Variants in GRM8 observed in about 807,000 individuals in gnomAD.
GRM8 encodes the protein glutamate metabotropic receptor 8.
A neutral mutation model predicts 87.2 loss-of-function variants in GRM8; 47 were observed. That is an observed-to-expected ratio of 0.54 (90% confidence interval 0.43 to 0.69). GRM8 has a LOEUF of 0.69. Among genes scored for constraint, GRM8 ranks in the 30% least tolerant of loss-of-function variants. The probability of loss-of-function intolerance (pLI) is 0.00; values close to 1 mark genes in which losing one functional copy is unlikely to be tolerated. For missense variants in GRM8, 1,019 were observed against 1,139.2 expected (o/e 0.89, Z 1.52); for synonymous variants, 396 against 404.5 (o/e 0.98, Z 0.25).
intron 2 of GRM8, among the ~76,000 whole-genome samples, chr7:127,164,294 A>T (rs1793304861): frequency 6.6e-6 from 1 of 152,182 alleles, no homozygotes; most frequent in Admixed American, 6.5e-5. Context: ...TGAGCCAATT[A>T]AACCTCTTTT....
At chr7:126,603,718 T>C (rs547418737) in intron 8 of GRM8, among the ~76,000 whole-genome samples, 5 of 152,214 alleles carry the variant, frequency 3.3e-5, no homozygotes, top group South Asian at 2.1e-4. Context: ...AGGGTGAATA[T>C]GTGTGTGTAC....
At chr7:127,041,741 T>C (rs1818449524) in intron 3 of GRM8, among the ~76,000 whole-genome samples, 1 of 152,226 alleles carries the variant, frequency 6.6e-6, no homozygotes, top group Admixed American at 6.5e-5. Context: ...TTCTGTTTTA[T>C]AGCAAAACCT....
At chr7:127,109,594 C>T (rs149072657) in intron 2 of GRM8, among the ~76,000 whole-genome samples, 30 of 152,300 alleles carry the variant, frequency 2.0e-4, no homozygotes, top group Middle Eastern at 3.4e-3. Context: ...AGTTCACTAA[C>T]TCCATCAGGC....
At chr7:127,207,129 T>C (rs1795957513) in intron 2 of GRM8, among the ~76,000 whole-genome samples, 1 of 152,206 alleles carries the variant, frequency 6.6e-6, no homozygotes. Flanking sequence ...CTTGGGGAGA[T>C]ATATGGTTAA....
intron 6 of GRM8, among the ~76,000 whole-genome samples, chr7:126,775,420 A>G (rs1302615954): frequency 6.6e-6 from 1 of 151,112 alleles, no homozygotes; most frequent in African/African-American, 2.4e-5. Context: ...AATCCATGAG[A>G]ACCATGCCAA....
At chr7:126,477,561 G>GAGAA (rs200275088) in intron 9 of GRM8, among the ~76,000 whole-genome samples, 17 of 114,476 alleles carry the variant, frequency 1.5e-4, no homozygotes, top group African/African-American at 4.6e-4. Context: ...GGAGAAGTAA[G>GAGAA]AGAAAGAAAG....
At chr7:126,820,863 G>A (rs1218773908) in intron 6 of GRM8, among the ~76,000 whole-genome samples, 1 of 152,234 alleles carries the variant, frequency 6.6e-6, no homozygotes, top group Non-Finnish European at 1.5e-5. Context: ...AACTTTGAGA[G>A]GCCAAGGTGG....
rs1365982000 is a variant in GRM8 at position 127,091,307 on chromosome 7, TC to T, written c.727+15188del. Among the ~76,000 whole-genome samples, 5 of 150,510 alleles carry T rather than the reference TC, an allele frequency of 3.3e-5. 1 individual carries two copies. In the South Asian group the frequency reaches 1.1e-3, roughly 32 times the overall value. On this transcript the variant is annotated intron_variant, in intron 3 of 10. Coordinates refer to ENST00000339582, the MANE Select transcript of GRM8 (RefSeq NM_000845.3). ...ATCATCCTCCCCATCCCACTGGCCA[TC>T]CCCCAGTTCCACTGATCATCCCCCT...
chr7:127,042,042 A>T (rs886424095), intron 3 of GRM8, among the ~76,000 whole-genome samples: 1 of 152,124 alleles, frequency 6.6e-6, no homozygotes, highest in African/African-American at 2.4e-5. Flanking sequence ...AACAATAGGA[A>T]CTGGTTTAGC....
At chr7:126,975,840 A>G (rs1266508744) in intron 3 of GRM8, among the ~76,000 whole-genome samples, 1 of 152,260 alleles carries the variant, frequency 6.6e-6, no homozygotes, top group South Asian at 2.1e-4. Flanking sequence ...GAGATAATAC[A>G]TAGCTGTTTT....
intron 3 of GRM8, among the ~76,000 whole-genome samples, chr7:126,949,456 A>C (rs997698151): frequency 1.3e-5 from 2 of 152,236 alleles, no homozygotes; most frequent in Non-Finnish European, 2.9e-5. Flanking sequence ...TTCTACCTCC[A>C]AGAAGACCCT....
chr7:126,980,776 A>G (rs1811442209), intron 3 of GRM8, among the ~76,000 whole-genome samples: 1 of 152,196 alleles, frequency 6.6e-6, no homozygotes. Flanking sequence ...CTAAGCTGTC[A>G]TTTCTCATAC....
intron 8 of GRM8, 137 bp downstream of exon 8, chr7:126,609,225 A>G: frequency 3.6e-6 from 2 of 561,664 alleles, no homozygotes; most frequent in Non-Finnish European, 6.2e-6. Flanking sequence ...TTTTAAATTG[A>G]AGAGAGAATC....
intron 2 of GRM8, among the ~76,000 whole-genome samples, chr7:127,158,010 C>G (rs1563548411): frequency 6.6e-6 from 1 of 152,090 alleles, no homozygotes; most frequent in Non-Finnish European, 1.5e-5. Flanking sequence ...TAACATAACT[C>G]TCAGTACCTA....
intron 7 of GRM8, among the ~76,000 whole-genome samples, chr7:126,674,595 T>TA (rs1356821077): frequency 1.6e-4 from 24 of 151,136 alleles, no homozygotes; most frequent in Non-Finnish European, 2.7e-4. Context: ...AGTATAAAAA[T>TA]AAAAAATAAC....
At chr7:126,927,115 A>G (rs940473278) in intron 3 of GRM8, among the ~76,000 whole-genome samples, 3 of 152,100 alleles carry the variant, frequency 2.0e-5, no homozygotes, top group Non-Finnish European at 4.4e-5. Context: ...AGTCCATCTC[A>G]TTTTTTATTT....
At chr7:126,719,456 G>T (rs1039209108) in intron 7 of GRM8, among the ~76,000 whole-genome samples, 1 of 152,140 alleles carries the variant, frequency 6.6e-6, no homozygotes, top group Admixed American at 6.5e-5. Context: ...AACTGGGTAG[G>T]TCTGGTTCAG....
chr7:126,830,472 C>T (rs1369067415), intron 6 of GRM8, among the ~76,000 whole-genome samples: 1 of 152,206 alleles, frequency 6.6e-6, no homozygotes, highest in African/African-American at 2.4e-5. Context: ...ATCACTAATA[C>T]CCTGTCTTCC....
chr7:126,440,410 C>A (rs78207386), intron 10 of GRM8, among the ~76,000 whole-genome samples: 121 of 75,368 alleles, frequency 1.6e-3, no homozygotes, highest in East Asian at 4.2e-3. Flanking sequence ...GACTCCATCT[C>A]AAAAAAAAAA....
Sources: allele counts gnomAD v4.1 joint callset (sites outside exome capture counted in the v4.1 genomes callset), GRCh38; gene constraint gnomAD v4.1.1; transcripts MANE v1.5; gene names NCBI Gene and HGNC (gene_info 2026-07-23, HGNC 2026-07-21).